The following TNPO3 variants were observed in gnomAD, a reference collection of about 807,000 sequenced individuals.
TNPO3 encodes the protein transportin 3.
TNPO3 carries 65 observed loss-of-function variants against 122.8 expected under a neutral mutation model. The observed-to-expected ratio is 0.53, with a 90% CI of 0.43 to 0.65. TNPO3 has a LOEUF of 0.65. TNPO3 is among the 30% of genes least tolerant of loss of function. The pLI is 0.00. For missense variants in TNPO3, 850 were observed against 1,136.7 expected (o/e 0.75, Z 3.63); for synonymous variants, 372 against 411.2 (o/e 0.90, Z 1.15).
chr7:128,994,502 G>A (rs767947626), intron 8 of TNPO3, among the ~76,000 whole-genome samples: 1 of 152,064 alleles, frequency 6.6e-6, no homozygotes, highest in African/African-American at 2.4e-5. Context: ...GAAAAATGTG[G>A]CTTGGGGAGA....
intron 1 of TNPO3, among the ~76,000 whole-genome samples, chr7:129,038,265 A>G (rs1189675649): frequency 1.3e-5 from 2 of 152,250 alleles, no homozygotes; most frequent in African/African-American, 2.4e-5. Flanking sequence ...CAATGAAACC[A>G]TATTTCTAAA....
intron 6 of TNPO3, 127 bp from the exon 7 acceptor site, chr7:129,000,694 G>T (rs1801846997): frequency 1.5e-5 from 14 of 936,916 alleles, no homozygotes; most frequent in Non-Finnish European, 2.1e-5. Flanking sequence ...TATTTACTAT[G>T]CTGTATCACA....
intron 17 of TNPO3, among the ~76,000 whole-genome samples, chr7:128,975,187 T>C (rs1798930730): frequency 6.6e-6 from 1 of 152,080 alleles, no homozygotes; most frequent in Non-Finnish European, 1.5e-5. Context: ...TAAGAAAGGG[T>C]TGAGAAAACA....
chr7:129,014,227 A>G (rs1202008234), intron 4 of TNPO3, among the ~76,000 whole-genome samples: 1 of 152,240 alleles, frequency 6.6e-6, no homozygotes, highest in Non-Finnish European at 1.5e-5. Flanking sequence ...TACTTGGACA[A>G]AAATAATACA....
chr7:128,958,137 CTTTTTTTTTTTT>C (rs55683535), intron 21 of TNPO3, among the ~76,000 whole-genome samples: 2 of 96,202 alleles, frequency 2.1e-5, no homozygotes, highest in African/African-American at 4.1e-5. Context: ...GAAGCACTTC[CTTTTTTTTTTTT>C]TTTTTTTTTT....
In TNPO3 at chr7:128,970,268, C is replaced by A; in HGVS notation, c.2478G>T (p.Met826Ile). Reference sequence around the variant, plus strand: ...TGACAAGCTGCTGTCCAAGCTGGTTCATCACCTGTCCAATCAGTTCTTTCC... The same window carrying A: ...TGACAAGCTGCTGTCCAAGCTGGTTAATCACCTGTCCAATCAGTTCTTTCC... The part of the protein sequence containing the change: ...ELRKELIGQV[M>I]NQLGQQLVSQ... The change falls in exon 20 of 23, where the codon ATG becomes ATT. Residue 826 changes from methionine to isoleucine, a missense_variant. Met to Ile is a conservative substitution (Grantham distance 10). Coordinates refer to ENST00000265388, the MANE Select transcript of TNPO3 (RefSeq NM_012470.4). The A allele has an allele frequency of 6.2e-7, 1 of 1,613,264 alleles. No homozygotes were observed. Among genetic ancestry groups the A allele is most frequent in the Non-Finnish European group, 8.5e-7 (1 of 1,179,602 alleles).
intron 12 of TNPO3, 28 bp downstream of exon 12, chr7:128,986,701 C>A: frequency 6.3e-7 from 1 of 1,591,060 alleles, no homozygotes; most frequent in Non-Finnish European, 8.6e-7. Flanking sequence ...TTTGAGGTGA[C>A]TATTAGTGGT....
At chr7:128,991,808 T>C (rs1240871152) in intron 10 of TNPO3, among the ~76,000 whole-genome samples, 191 bp downstream of exon 10, 2 of 152,198 alleles carry the variant, frequency 1.3e-5, no homozygotes, top group Admixed American at 1.3e-4. Context: ...TAGGAAATGC[T>C]GTTAAAACAT....
chr7:129,016,443 C>A (rs1175071201), intron 3 of TNPO3, among the ~76,000 whole-genome samples: 1 of 152,164 alleles, frequency 6.6e-6, no homozygotes, highest in African/African-American at 2.4e-5. Context: ...GCTTTAATGA[C>A]ACACTATATT....
intron 20 of TNPO3, among the ~76,000 whole-genome samples, chr7:128,967,680 T>C (rs1045226326): frequency 6.6e-6 from 1 of 152,222 alleles, no homozygotes; most frequent in African/African-American, 2.4e-5. Flanking sequence ...GATGAGGCTA[T>C]TGTTTTGTTC....
At chr7:128,968,025 G>GT (rs1218086470) in intron 20 of TNPO3, among the ~76,000 whole-genome samples, 1 of 152,138 alleles carries the variant, frequency 6.6e-6, no homozygotes. Context: ...AACTACAGGT[G>GT]TAAGCACTTG....
At chr7:129,035,221 C>G (rs1460772663) in intron 1 of TNPO3, among the ~76,000 whole-genome samples, 1 of 151,894 alleles carries the variant, frequency 6.6e-6, no homozygotes, top group Non-Finnish European at 1.5e-5. Context: ...TTGCAGTGAG[C>G]CGAGATAGAG....
intron 1 of TNPO3, among the ~76,000 whole-genome samples, chr7:129,054,214 TAAGGCTACGACTGGGAGCAA>T (rs1809170878): frequency 2.0e-5 from 3 of 152,074 alleles, no homozygotes; most frequent in African/African-American, 4.8e-5. Flanking sequence ...GAGTGAGGCA[TAAGGCTACGACTGGGAGCAA>T]AATGCCAGAT....
At chr7:129,000,355 C>A in intron 7 of TNPO3, 74 bp downstream of exon 7, 1 of 1,379,646 alleles carries the variant, frequency 7.2e-7, no homozygotes, top group Non-Finnish European at 9.6e-7. Flanking sequence ...AATTTGGGCA[C>A]GAGGTAATGA....
intron 1 of TNPO3, among the ~76,000 whole-genome samples, chr7:129,050,867 T>A (rs1242831085): frequency 2.0e-5 from 3 of 151,674 alleles, no homozygotes; most frequent in African/African-American, 7.3e-5. Flanking sequence ...AATGGAAGAG[T>A]AACCCAAGAA....
intron 1 of TNPO3, among the ~76,000 whole-genome samples, chr7:129,033,148 T>A (rs915684116): frequency 1.3e-5 from 2 of 152,104 alleles, no homozygotes; most frequent in African/African-American, 2.4e-5. Context: ...TTATATCACA[T>A]ATGAAAGTTA....
At chr7:128,974,274 G>C (rs568851715) in intron 18 of TNPO3, among the ~76,000 whole-genome samples, 2 of 145,242 alleles carry the variant, frequency 1.4e-5, no homozygotes, top group South Asian at 2.2e-4. Context: ...TTGTTGTTTC[G>C]AAAATAATGA....
rs539199319 is a variant in TNPO3 at position 129,024,904 on chromosome 7, A to G, written c.121-6747T>C. On this transcript the variant is annotated intron_variant, in intron 1 of 22. Coordinates refer to ENST00000265388, the MANE Select transcript of TNPO3 (RefSeq NM_012470.4). ...TTAGTCCCAGCTACTCAGGAGGCTGAGGGGAAGGATCCCTTGAGCCCAGGA... is the reference window on the plus strand; with the variant it reads ...TTAGTCCCAGCTACTCAGGAGGCTGGGGGGAAGGATCCCTTGAGCCCAGGA... 1.1e-4 allele frequency among the ~76,000 whole-genome samples: 16 copies of G among 152,226 alleles called. No homozygotes were observed. The South Asian group carries it at 3.3e-3, about 32-fold the overall frequency.
chr7:129,018,230 T>TA, intron 1 of TNPO3, 73 bp from the exon 2 acceptor site: 1 of 1,423,330 alleles, frequency 7.0e-7, no homozygotes, highest in Non-Finnish European at 9.5e-7. Context: ...CCTCAATACT[T>TA]ATATAAACAT....
Sources: gnomAD v4.1 joint callset for allele counts (sites outside exome capture counted in the v4.1 genomes callset) on GRCh38, gnomAD v4.1.1 for gene constraint, MANE v1.5 for transcripts, NCBI Gene and HGNC (gene_info 2026-07-23, HGNC 2026-07-21) for gene names.